The following CLDN1 variants were observed in gnomAD, a reference collection of about 807,000 sequenced individuals.
CLDN1 encodes claudin-1.
In CLDN1, 12 loss-of-function variants were observed where a neutral mutation model predicts 22.6. The observed-to-expected ratio is 0.53, with a 90% confidence interval of 0.34 to 0.86. The LOEUF (loss-of-function observed/expected upper bound fraction) is 0.86. Among genes scored for constraint, CLDN1 ranks in the 40% least tolerant of loss-of-function variants. The probability of loss-of-function intolerance (pLI) is 0.02; values close to 1 mark genes in which losing one functional copy is unlikely to be tolerated. For missense variants in CLDN1, 250 were observed against 269.5 expected (o/e 0.93, Z 0.51); for synonymous variants, 99 against 103.8 (o/e 0.95, Z 0.28).
At chr3:190,310,338 G>A in intron 2 of CLDN1, 85 bp from the exon 3 acceptor site, 3 of 1,032,412 alleles carry the variant, frequency 2.9e-6, no homozygotes, top group Non-Finnish European at 4.5e-6. Flanking sequence ...AACATATTTT[G>A]CAAGAATTAA....
In CLDN1 at chr3:190,322,190, AG is replaced by A. The variant is rs1327391158; in HGVS notation, c.16del (p.Leu6CysfsTer36). 15 of 1,613,808 alleles carry A rather than the reference AG, an allele frequency of 9.3e-6. No homozygotes were observed. The highest frequency in any genetic ancestry group is 1.3e-5 in the Non-Finnish European group (15 of 1,180,024). MANAG[L>X]QLLGFILAFL... ...GGCGAGAATGAAGCCCAACAGCTGC[AG>A]CCCCGCGTTGGCCATGACTCGCTCG... On this transcript the variant is annotated frameshift_variant, in exon 1 of 4. Transcript: ENST00000295522. LOFTEE classifies it high-confidence loss of function.
At chr3:190,313,226 A>G (rs1716674765) in intron 1 of CLDN1, 190 bp from the exon 2 acceptor site, 2 of 599,180 alleles carry the variant, frequency 3.3e-6, no homozygotes, top group Non-Finnish European at 5.9e-6. Flanking sequence ...AACAAATGCC[A>G]GGCTGGATGA....
Position 190,312,971 on chromosome 3 carries a change from C to T in CLDN1, c.289G>A (p.Val97Met), listed in dbSNP as rs772875922. ...GILLGVIAIF[V>M]ATVGMKCMKC... ...ATACACTTCATGCCAACGGTGGCCA[C>T]AAAGATTGCTATCACTCCCAGGAGG... The change falls in exon 2 of 4, where the codon GTG becomes ATG. Residue 97 changes from valine (V) to methionine (M), a missense_variant. Val to Met is a conservative substitution (Grantham distance 21). Coordinates refer to ENST00000295522, the MANE Select transcript of CLDN1 (RefSeq NM_021101.5). The T allele has an allele frequency of 1.3e-5, 21 of 1,614,032 alleles. No homozygotes were observed. Among genetic ancestry groups the T allele is most frequent in the South Asian group, 2.2e-5 (2 of 91,088 alleles).
At position 190,306,267 on chromosome 3, in the gene CLDN1, T is replaced by C. The variant is rs1190465558; in HGVS notation, c.*2010A>G. ...TACATCTGTTTAGCCACAGAAAGCA[T>C]CGGGCCATACTCACTGCAGAAGATA... On this transcript the variant is annotated 3_prime_UTR_variant, in exon 4 of 4. Coordinates refer to ENST00000295522, the MANE Select transcript of CLDN1 (RefSeq NM_021101.5). 6.6e-6 allele frequency: 1 copy of C among 152,200 alleles called. No homozygotes were observed. Among genetic ancestry groups the C allele is most frequent in the East Asian group, 1.9e-4 (1 of 5,192 alleles). The allele number at this position is 152,200 out of a possible 1,614,324, so 9.4% of individuals were successfully genotyped here. A position where few individuals can be genotyped will look rare whatever the true frequency, so the allele number is the denominator to read the frequency against.
intron 2 of CLDN1, among the ~76,000 whole-genome samples, chr3:190,310,502 T>C (rs1716584424): frequency 1.3e-5 from 2 of 152,174 alleles, no homozygotes; most frequent in Non-Finnish European, 2.9e-5. Context: ...CACAAATAAT[T>C]CTTTTTTGGA....
chr3:190,311,378 AG>A (rs1186015633), intron 2 of CLDN1, among the ~76,000 whole-genome samples: 1 of 152,204 alleles, frequency 6.6e-6, no homozygotes, highest in Admixed American at 6.5e-5. Flanking sequence ...ATGCCTTTTC[AG>A]AGAGGAGTCA....
chr3:190,313,174 T>A, intron 1 of CLDN1, 138 bp from the exon 2 acceptor site: 1 of 910,524 alleles, frequency 1.1e-6, no homozygotes, highest in South Asian at 1.5e-5. Context: ...GTCATACTGA[T>A]GTTTCCGCTG....
rs943907580 is a variant in CLDN1, at chr3:190,306,066, T to C, written c.*2211A>G. 3.9e-5 allele frequency: 6 copies of C among 152,262 alleles called. No individual in the cohort carries two copies. Among genetic ancestry groups the C allele is most frequent in the South Asian group, 4.1e-4 (2 of 4,838 alleles). The allele number at this position is 152,262 out of a possible 1,614,324, so 9.4% of individuals were successfully genotyped here. A position where few individuals can be genotyped will look rare whatever the true frequency, so the allele number is the denominator to read the frequency against. ...AAGACACAGTGGCTGACTTTCCTTG[T>C]GTAGTTTATTATGAAGTACCATTTC... is the stretch of plus-strand genomic sequence containing the variant. On this transcript the variant is annotated 3_prime_UTR_variant, in exon 4 of 4. Transcript: ENST00000295522.
intron 1 of CLDN1, 108 bp from the exon 2 acceptor site, chr3:190,313,144 C>G: frequency 7.8e-7 from 1 of 1,277,446 alleles, no homozygotes; most frequent in Non-Finnish European, 1.1e-6. Context: ...GAAAACTGGA[C>G]TAGGAATCTA....
At chr3:190,320,176 A>G (rs1291834314) in intron 1 of CLDN1, among the ~76,000 whole-genome samples, 1 of 152,252 alleles carries the variant, frequency 6.6e-6, no homozygotes, top group Non-Finnish European at 1.5e-5. Flanking sequence ...ATCATGTGTA[A>G]GGATGATCCA....
chr3:190,312,801 C>T (rs761773517), intron 2 of CLDN1, 71 bp downstream of exon 2: 109 of 1,541,716 alleles, frequency 7.1e-5, no homozygotes, highest in Admixed American at 1.3e-4. Flanking sequence ...TATAATGAAT[C>T]CAACGTAATA....
In CLDN1 at chr3:190,322,392, C is replaced by T. The variant is rs1032256465; in HGVS notation, c.-186G>A. ...GGGTTGGGGTCCGCGCCCGGGGCGG[C>T]GCTGGAGTCTGGATACTAGAAGCTG... On this transcript the variant is annotated 5_prime_UTR_variant, in exon 1 of 4. Transcript: ENST00000295522. 3.3e-5 allele frequency: 21 copies of T among 632,666 alleles called. No homozygotes were observed. Among genetic ancestry groups the T allele is most frequent in the African/African-American group, 2.4e-4 (13 of 55,288 alleles). The allele number at this position is 632,666 out of a possible 1,614,324, so 39.2% of individuals were successfully genotyped here. A position where few individuals can be genotyped will look rare whatever the true frequency, so the allele number is the denominator to read the frequency against.
Position 190,308,111 on chromosome 3 carries a change from T to G in CLDN1, c.*166A>C. 1.3e-6 allele frequency: 1 copy of G among 783,632 alleles called. No individual in the cohort carries two copies. The highest frequency in any genetic ancestry group is 1.5e-5 in the South Asian group (1 of 64,932). 48.5% of individuals were successfully genotyped at this position (783,632 alleles called of 1,614,324 possible). A position where few individuals can be genotyped will look rare whatever the true frequency, so the allele number is the denominator to read the frequency against. On this transcript the variant is annotated 3_prime_UTR_variant, in exon 4 of 4. Coordinates refer to ENST00000295522, the MANE Select transcript of CLDN1 (RefSeq NM_021101.5). ...AAGATAAAATAAGATTAAGCCATGTTTAGCACTGAGTATTTTAACACATGG... is the reference window on the plus strand; with the variant it reads ...AAGATAAAATAAGATTAAGCCATGTGTAGCACTGAGTATTTTAACACATGG...
chr3:190,315,631 C>T (rs908970118), intron 1 of CLDN1, among the ~76,000 whole-genome samples: 1 of 152,142 alleles, frequency 6.6e-6, no homozygotes, highest in African/African-American at 2.4e-5. Flanking sequence ...TTTATTTTTT[C>T]ATAAATACTC....
At chr3:190,313,799 T>A (rs537326557) in intron 1 of CLDN1, among the ~76,000 whole-genome samples, 7 of 152,304 alleles carry the variant, frequency 4.6e-5, no homozygotes, top group African/African-American at 1.7e-4. Flanking sequence ...TTTTCTAATT[T>A]CCCATCATTA....
intron 1 of CLDN1, among the ~76,000 whole-genome samples, chr3:190,318,468 A>G (rs1334548381): frequency 1.3e-5 from 2 of 152,186 alleles, no homozygotes; most frequent in Non-Finnish European, 1.5e-5. Flanking sequence ...AATAGGGCCT[A>G]GCTTGCATCT....
chr3:190,315,870 G>A (rs1716751891), intron 1 of CLDN1, among the ~76,000 whole-genome samples: 1 of 152,148 alleles, frequency 6.6e-6, no homozygotes, highest in Admixed American at 6.5e-5. Flanking sequence ...GAGTCGGACT[G>A]TGTAAAACCC....
intron 1 of CLDN1, among the ~76,000 whole-genome samples, chr3:190,321,555 T>A (rs1344905946): frequency 6.6e-6 from 1 of 152,228 alleles, no homozygotes; most frequent in East Asian, 1.9e-4. Flanking sequence ...ATTATTTATT[T>A]AAGCGTGCAC....
rs1339694723 is a variant in CLDN1, at chr3:190,322,211, C to T, written c.-5G>A. The stretch of plus-strand genomic sequence containing the variant: ...CTGCAGCCCCGCGTTGGCCATGACT[C>T]GCTCGGGCGCCCGCGCTGGCTCAGG... On this transcript the variant is annotated 5_prime_UTR_variant, in exon 1 of 4. Coordinates refer to ENST00000295522, the MANE Select transcript of CLDN1 (RefSeq NM_021101.5). The T allele has an allele frequency of 6.2e-7, 1 of 1,613,110 alleles. No homozygotes were observed. The highest frequency in any genetic ancestry group is 8.5e-7 in the Non-Finnish European group (1 of 1,179,858).
Sources: gnomAD v4.1 joint callset for allele counts (sites outside exome capture counted in the v4.1 genomes callset) on GRCh38, gnomAD v4.1.1 for gene constraint, MANE v1.5 for transcripts, NCBI Gene and HGNC (gene_info 2026-07-23, HGNC 2026-07-21) for gene names.